PTPRD: variants seen among roughly 807,000 people sequenced by gnomAD.
PTPRD encodes receptor-type tyrosine-protein phosphatase delta.
In PTPRD, 34 loss-of-function variants were observed where a neutral mutation model predicts 214.5. The observed-to-expected ratio is 0.16, with a 90% CI of 0.12 to 0.21. PTPRD has a LOEUF of 0.21. PTPRD is among the 10% of genes least tolerant of loss of function. The pLI, the probability that PTPRD is intolerant of heterozygous loss-of-function variation, is 1.00. For missense variants in PTPRD, 2,545 were observed against 2,398.7 expected (o/e 1.06, Z -1.27); for synonymous variants, 1,128 against 845.7 (o/e 1.33, Z -5.79).
At chr9:10,100,706 G>T (rs2098543337) in intron 3 of PTPRD, among the ~76,000 whole-genome samples, 1 of 151,582 alleles carries the variant, frequency 6.6e-6, no homozygotes, top group African/African-American at 2.4e-5. Context: ...GAAGTAAGAA[G>T]AATGAATATA....
intron 11 of PTPRD, among the ~76,000 whole-genome samples, chr9:8,737,879 G>C (rs999490069): frequency 1.3e-5 from 2 of 152,130 alleles, no homozygotes; most frequent in Non-Finnish European, 2.9e-5. Context: ...TTGAACTCCT[G>C]ACCTTGTGAT....
intron 2 of PTPRD, among the ~76,000 whole-genome samples, chr9:10,538,254 A>G (rs1216688961): frequency 3.0e-5 from 4 of 135,284 alleles, no homozygotes; most frequent in East Asian, 2.0e-4. Flanking sequence ...AAATAAATAA[A>G]TAAATAAATA....
intron 4 of PTPRD, among the ~76,000 whole-genome samples, chr9:9,942,073 G>T (rs1391520510): frequency 1.3e-5 from 2 of 152,116 alleles, no homozygotes; most frequent in Non-Finnish European, 1.5e-5. Flanking sequence ...CTAAGCCACA[G>T]GAAATAGTAC....
chr9:9,804,060 T>C (rs1322274743), intron 5 of PTPRD, among the ~76,000 whole-genome samples: 3 of 151,930 alleles, frequency 2.0e-5, no homozygotes, highest in African/African-American at 4.8e-5. Flanking sequence ...GTGTGAGTTA[T>C]TTTTTTTCTT....
intron 11 of PTPRD, among the ~76,000 whole-genome samples, chr9:8,857,099 GA>G (rs2097932059): frequency 1.3e-5 from 2 of 152,166 alleles, no homozygotes; most frequent in South Asian, 4.1e-4. Flanking sequence ...TCTGCCACGG[GA>G]AGGTCTCCCA....
At chr9:10,499,211 A>C (rs1219615316) in intron 2 of PTPRD, among the ~76,000 whole-genome samples, 2 of 151,886 alleles carry the variant, frequency 1.3e-5, no homozygotes, top group Non-Finnish European at 2.9e-5. Context: ...ACACATACCA[A>C]GCTTGAGGTT....
chr9:10,511,773 G>A (rs1230238526), intron 2 of PTPRD, among the ~76,000 whole-genome samples: 8 of 148,692 alleles, frequency 5.4e-5, no homozygotes, highest in South Asian at 2.1e-4. Context: ...TTCATTTTAC[G>A]TTATATATCC....
At chr9:9,733,278 C>T (rs1289308864) in intron 7 of PTPRD, among the ~76,000 whole-genome samples, 1 of 152,134 alleles carries the variant, frequency 6.6e-6, no homozygotes, top group East Asian at 1.9e-4. Flanking sequence ...CCCAGTGGTT[C>T]ATGGTGCACT....
At chr9:8,749,955 G>T (rs763375017) in intron 11 of PTPRD, among the ~76,000 whole-genome samples, 1 of 151,782 alleles carries the variant, frequency 6.6e-6, no homozygotes, top group African/African-American at 2.4e-5. Context: ...TACAAAAAAT[G>T]AGCCAGCTGT....
chr9:8,752,649 C>T (rs909841939), intron 11 of PTPRD, among the ~76,000 whole-genome samples: 16 of 152,274 alleles, frequency 1.1e-4, no homozygotes, highest in Admixed American at 7.2e-4. Flanking sequence ...ACCACACAAA[C>T]GAGCCCAGAC....
At chr9:9,552,952 A>C (rs901452381) in intron 8 of PTPRD, among the ~76,000 whole-genome samples, 1 of 152,110 alleles carries the variant, frequency 6.6e-6, no homozygotes, top group Non-Finnish European at 1.5e-5. Flanking sequence ...TCAGATTTCA[A>C]AAGCTAATTT....
intron 4 of PTPRD, among the ~76,000 whole-genome samples, chr9:10,004,445 C>A (rs2096418395): frequency 6.6e-6 from 1 of 151,872 alleles, no homozygotes; most frequent in African/African-American, 2.4e-5. Flanking sequence ...ATGTGTATGG[C>A]AGATAATTCA....
Position 8,527,330 on chromosome 9 carries a change from G to T in PTPRD, c.550+15C>A. 5 of 1,606,508 alleles carry T rather than the reference G, an allele frequency of 3.1e-6. No individual in the cohort carries two copies. The highest frequency in any genetic ancestry group is 4.3e-6 in the Non-Finnish European group (5 of 1,176,330). ...ATTAGTGGGGTTGAAGTGCGCTTCAGAACTAAGCACTTACCAATAGATTCT... is the reference window on the plus strand; with the variant it reads ...ATTAGTGGGGTTGAAGTGCGCTTCATAACTAAGCACTTACCAATAGATTCT... On this transcript the variant is annotated intron_variant, in intron 16 of 45. Transcript: ENST00000381196.
At position 9,353,760 on chromosome 9, in the gene PTPRD, G is replaced by A. The variant is rs1414482804; in HGVS notation, c.-203+43689C>T. Among the ~76,000 whole-genome samples the A allele has an allele frequency of 4.0e-5, 6 of 151,782 alleles. No individual in the cohort carries two copies. In the Admixed American group the frequency reaches 4.0e-4, roughly 10 times the overall value. ...AGGAATATATTAGTTTTCTATTGCT[G>A]CCTGGTAGATTACCACAAAGTTGGC... On this transcript the variant is annotated intron_variant, in intron 9 of 45. Coordinates refer to ENST00000381196, the MANE Select transcript of PTPRD (RefSeq NM_002839.4).
chr9:9,380,563 A>G (rs1435761567), intron 9 of PTPRD, among the ~76,000 whole-genome samples: 1 of 152,090 alleles, frequency 6.6e-6, no homozygotes, highest in African/African-American at 2.4e-5. Context: ...CTTAACTTCT[A>G]TTTTTAAAAA....
intron 37 of PTPRD, 46 bp from the exon 38 acceptor site, chr9:8,376,772 C>G (rs1207616716): frequency 6.2e-7 from 1 of 1,605,092 alleles, no homozygotes; most frequent in African/African-American, 1.3e-5. Flanking sequence ...TCATCAATTT[C>G]TCTATTAACT....
chr9:9,177,505 A>C (rs1186652854), intron 10 of PTPRD, among the ~76,000 whole-genome samples: 1 of 152,200 alleles, frequency 6.6e-6, no homozygotes, highest in African/African-American at 2.4e-5. Flanking sequence ...TTGCATAATT[A>C]GAAAATATAT....
intron 6 of PTPRD, among the ~76,000 whole-genome samples, chr9:9,736,763 T>G (rs2154446589): frequency 6.6e-6 from 1 of 152,184 alleles, no homozygotes; most frequent in Non-Finnish European, 1.5e-5. Context: ...TTTTAAGTTA[T>G]TTTTATGCAT....
intron 10 of PTPRD, among the ~76,000 whole-genome samples, chr9:9,074,715 T>A (rs1024309689): frequency 5.3e-5 from 8 of 151,386 alleles, no homozygotes; most frequent in Non-Finnish European, 1.2e-4. Context: ...AGATGATTAC[T>A]TTTTTTTTCT....
Sources: allele counts gnomAD v4.1 joint callset (sites outside exome capture counted in the v4.1 genomes callset), GRCh38; gene constraint gnomAD v4.1.1; transcripts MANE v1.5; gene names NCBI Gene and HGNC (gene_info 2026-07-23, HGNC 2026-07-21).